The following SCD5 variants were observed in gnomAD, a reference collection of about 807,000 sequenced individuals.
SCD5 encodes the protein stearoyl-CoA desaturase 5, also known as acyl-CoA-desaturase 4.
A neutral mutation model predicts 30.4 loss-of-function variants in SCD5; 20 were observed. The observed-to-expected ratio is 0.66, with a 90% CI of 0.46 to 0.96. SCD5 has a LOEUF of 0.96. Ranked by LOEUF, SCD5 falls within the 40% of genes least tolerant of loss-of-function variation. The pLI is 0.00. For synonymous variants in SCD5, 173 were observed against 176.4 expected (o/e 0.98, Z 0.16); for missense variants, 381 against 443.3 (o/e 0.86, Z 1.26).
chr4:82,741,176 C>A (rs1720864464), intron 1 of SCD5, among the ~76,000 whole-genome samples: 1 of 151,136 alleles, frequency 6.6e-6, no homozygotes, highest in South Asian at 2.1e-4. Flanking sequence ...TGGGCCCAAG[C>A]AATCTGCCCG....
intron 1 of SCD5, among the ~76,000 whole-genome samples, chr4:82,711,233 A>G (rs1720078175): frequency 6.6e-6 from 1 of 151,918 alleles, no homozygotes; most frequent in Non-Finnish European, 1.5e-5. Context: ...TCATCACTAT[A>G]AACTTGTGGT....
intron 3 of SCD5, among the ~76,000 whole-genome samples, chr4:82,664,219 T>A (rs34750303): frequency 6.6e-6 from 1 of 151,884 alleles, no homozygotes; most frequent in Non-Finnish European, 1.5e-5. Flanking sequence ...TCCAGTGAAG[T>A]CTGTGGTGCA....
chr4:82,679,821 C>T (rs1728530603), intron 3 of SCD5, among the ~76,000 whole-genome samples: 1 of 152,202 alleles, frequency 6.6e-6, no homozygotes, highest in Admixed American at 6.5e-5. Flanking sequence ...AAAGGCATAG[C>T]CTCCATGTCC....
intron 3 of SCD5, among the ~76,000 whole-genome samples, chr4:82,674,979 G>A (rs746966067): frequency 7.2e-5 from 11 of 152,126 alleles, no homozygotes; most frequent in Admixed American, 4.6e-4. Flanking sequence ...GGAAGAGAGC[G>A]ATGAACAGAC....
chr4:82,796,509 C>G (rs1722224343), intron 1 of SCD5, among the ~76,000 whole-genome samples: 2 of 152,060 alleles, frequency 1.3e-5, no homozygotes, highest in South Asian at 4.2e-4. Flanking sequence ...GCAGAGGTGA[C>G]CTGGCAAACT....
rs560434941 is a variant in SCD5, at chr4:82,769,432, C to T, written c.232+28874G>A. Among the ~76,000 whole-genome samples, 10 of 152,154 alleles carry T rather than the reference C, an allele frequency of 6.6e-5. No homozygotes were observed. The South Asian group carries it at 1.9e-3, about 28-fold the overall frequency. On this transcript the variant is annotated intron_variant, in intron 1 of 4. Transcript: ENST00000319540. ...GTTTTCCAGAGTCCATAATGTTTCACCAATTTACAGAGGATTAGAGATTTT... is the reference window on the plus strand; with the variant it reads ...GTTTTCCAGAGTCCATAATGTTTCATCAATTTACAGAGGATTAGAGATTTT...
At chr4:82,763,159 G>A (rs1467312524) in intron 1 of SCD5, among the ~76,000 whole-genome samples, 1 of 152,194 alleles carries the variant, frequency 6.6e-6, no homozygotes, top group Admixed American at 6.5e-5. Context: ...ATATGCTGAA[G>A]CCTAACCTCA....
At chr4:82,685,301 T>C (rs1049566488) in intron 2 of SCD5, among the ~76,000 whole-genome samples, 4 of 152,008 alleles carry the variant, frequency 2.6e-5, no homozygotes, top group Non-Finnish European at 5.9e-5. Context: ...TAGTCCTACT[T>C]TGCAATAGAA....
intron 1 of SCD5, among the ~76,000 whole-genome samples, chr4:82,776,296 A>G (rs1721742940): frequency 6.6e-6 from 1 of 152,206 alleles, no homozygotes; most frequent in East Asian, 1.9e-4. Context: ...CATGAATATT[A>G]AACCTTAACT....
At chr4:82,712,374 A>G (rs1470805306) in intron 1 of SCD5, among the ~76,000 whole-genome samples, 7 of 138,790 alleles carry the variant, frequency 5.0e-5, no homozygotes, top group African/African-American at 1.9e-4. Flanking sequence ...CTGGAGTGCA[A>G]TGGCGTGATC....
At chr4:82,754,570 C>T (rs930550626) in intron 1 of SCD5, among the ~76,000 whole-genome samples, 1 of 144,550 alleles carries the variant, frequency 6.9e-6, no homozygotes, top group Non-Finnish European at 1.5e-5. Flanking sequence ...AGGGAGGAAA[C>T]CTGCTCAGTG....
chr4:82,690,449 T>C (rs1728808779), intron 2 of SCD5, among the ~76,000 whole-genome samples: 1 of 152,158 alleles, frequency 6.6e-6, no homozygotes, highest in Non-Finnish European at 1.5e-5. Flanking sequence ...AAAACAAAAA[T>C]TTCATGGGCA....
chr4:82,741,827 AG>A (rs1262105936), intron 1 of SCD5, among the ~76,000 whole-genome samples: 2 of 116,068 alleles, frequency 1.7e-5, no homozygotes, highest in Non-Finnish European at 3.3e-5. Context: ...CTCCAGATCA[AG>A]GATATGAAAA....
chr4:82,650,048 T>A (rs1266276064), intron 3 of SCD5, among the ~76,000 whole-genome samples: 2 of 152,300 alleles, frequency 1.3e-5, no homozygotes, highest in Middle Eastern at 3.4e-3. Context: ...CCTTCAGCAT[T>A]ATGCACACTT....
At chr4:82,696,716 C>G (rs1323533346) in intron 2 of SCD5, among the ~76,000 whole-genome samples, 2 of 152,154 alleles carry the variant, frequency 1.3e-5, no homozygotes, top group African/African-American at 4.8e-5. Context: ...GCAATATAAT[C>G]AGTGGGTTGG....
Position 82,659,264 on chromosome 4 carries a change from A to G in SCD5, c.569+21443T>C, listed in dbSNP as rs145447154. Among the ~76,000 whole-genome samples the G allele has an allele frequency of 8.1e-3, 1,230 of 151,940 alleles. 18 individuals carry two copies. Among genetic ancestry groups the G allele is most frequent in the African/African-American group, 0.027 (1,140 of 41,456 alleles). The stretch of plus-strand genomic sequence containing the variant: ...GTCTGGCTAGCAGTCTATTTTGTTA[A>G]TCTTTTCAAAAAAACAGCTTCTGGA... On this transcript the variant is annotated intron_variant, in intron 3 of 4. Coordinates refer to ENST00000319540, the MANE Select transcript of SCD5 (RefSeq NM_001037582.3).
intron 2 of SCD5, among the ~76,000 whole-genome samples, chr4:82,692,643 G>A (rs923090973): frequency 6.6e-6 from 1 of 152,226 alleles, no homozygotes; most frequent in Non-Finnish European, 1.5e-5. Flanking sequence ...CACCACTGCT[G>A]GGGGGTGCCA....
chr4:82,708,260 T>C (rs1720009007), intron 1 of SCD5, among the ~76,000 whole-genome samples: 1 of 152,234 alleles, frequency 6.6e-6, no homozygotes, highest in Non-Finnish European at 1.5e-5. Context: ...AAATCCATTA[T>C]TTAAAGAAAC....
chr4:82,663,857 C>T (rs896322828), intron 3 of SCD5, among the ~76,000 whole-genome samples: 17 of 152,172 alleles, frequency 1.1e-4, no homozygotes, highest in Non-Finnish European at 2.2e-4. Flanking sequence ...TCTTCTGCCC[C>T]TTTGAGGAAG....
Sources: allele counts gnomAD v4.1 joint callset (sites outside exome capture counted in the v4.1 genomes callset), GRCh38; gene constraint gnomAD v4.1.1; transcripts MANE v1.5; gene names NCBI Gene and HGNC (gene_info 2026-07-23, HGNC 2026-07-21).